Variants in PAK5 observed in about 807,000 individuals in gnomAD.
The protein encoded by PAK5 is p21 (RAC1) activated kinase 5, also known as serine/threonine-protein kinase PAK 5.
In PAK5, 16 loss-of-function variants were observed where a neutral mutation model predicts 65.9. That is an observed-to-expected ratio of 0.24 (90% CI 0.16 to 0.37). The LOEUF (loss-of-function observed/expected upper bound fraction) is 0.37, where lower values mean the gene tolerates loss of function less well. Among genes scored for constraint, PAK5 ranks in the 10% least tolerant of loss-of-function variants. The pLI is 1.00. For missense variants in PAK5, 785 were observed against 903.9 expected (o/e 0.87, Z 1.69); for synonymous variants, 371 against 354.9 (o/e 1.05, Z -0.51).
At chr20:9,587,699 G>A (rs2046094033) in intron 3 of PAK5, among the ~76,000 whole-genome samples, 1 of 152,074 alleles carries the variant, frequency 6.6e-6, no homozygotes, top group Non-Finnish European at 1.5e-5. Context: ...GGATGCTAGA[G>A]TTCCAAAAAG....
intron 1 of PAK5, among the ~76,000 whole-genome samples, chr20:9,774,897 AG>A (rs2048870932): frequency 6.6e-6 from 1 of 152,044 alleles, no homozygotes; most frequent in South Asian, 2.1e-4. Flanking sequence ...CGGAGCTTGC[AG>A]TGAGCCAAGA....
intron 1 of PAK5, among the ~76,000 whole-genome samples, chr20:9,834,994 C>T (rs924383934): frequency 6.6e-6 from 1 of 152,178 alleles, no homozygotes; most frequent in Non-Finnish European, 1.5e-5. Context: ...CAATTCTTAA[C>T]TTCTAGCCTA....
chr20:9,772,737 T>C (rs114078471), intron 1 of PAK5, among the ~76,000 whole-genome samples: 6,645 of 152,288 alleles, frequency 0.044, 481 homozygotes, highest in African/African-American at 0.15. Context: ...ATGTTGTCAG[T>C]GCCATGCATA....
chr20:9,582,934 C>A (rs1283912114), intron 3 of PAK5, among the ~76,000 whole-genome samples: 1 of 152,068 alleles, frequency 6.6e-6, no homozygotes, highest in African/African-American at 2.4e-5. Context: ...CTTTGATGAT[C>A]CCTCTTCCTT....
At chr20:9,562,356 G>A (rs978544103) in intron 6 of PAK5, among the ~76,000 whole-genome samples, 10 of 152,182 alleles carry the variant, frequency 6.6e-5, no homozygotes, top group Admixed American at 5.9e-4. Context: ...GAAATGGCTG[G>A]AACTGGCACA....
chr20:9,558,293 A>G (rs927539572), intron 6 of PAK5, among the ~76,000 whole-genome samples: 3 of 151,668 alleles, frequency 2.0e-5, no homozygotes, highest in Admixed American at 6.6e-5. Flanking sequence ...TGTATTTTTA[A>G]TAGAGATAGG....
intron 1 of PAK5, among the ~76,000 whole-genome samples, chr20:9,811,379 C>T (rs1332749925): frequency 6.6e-6 from 1 of 152,110 alleles, no homozygotes; most frequent in East Asian, 1.9e-4. Flanking sequence ...ATATGTGTTC[C>T]TAGAATTCAG....
chr20:9,679,417 T>C (rs906632641), intron 2 of PAK5, among the ~76,000 whole-genome samples: 2 of 152,202 alleles, frequency 1.3e-5, no homozygotes, highest in African/African-American at 4.8e-5. Flanking sequence ...TTTGTGCTTT[T>C]AAGATTCTTG....
intron 3 of PAK5, among the ~76,000 whole-genome samples, chr20:9,612,278 C>T (rs899405918): frequency 8.5e-5 from 13 of 152,192 alleles, no homozygotes; most frequent in African/African-American, 2.7e-4. Flanking sequence ...CTCTTAATGT[C>T]GTCTCCGTCT....
intron 1 of PAK5, among the ~76,000 whole-genome samples, chr20:9,753,111 G>C (rs4813899): frequency 0.18 from 26,736 of 152,096 alleles, 2,688 homozygotes; most frequent in East Asian, 0.28. Flanking sequence ...CAACCAGCTG[G>C]CAGCAACCTA....
chr20:9,598,181 C>T (rs1469314821), intron 3 of PAK5, among the ~76,000 whole-genome samples: 1 of 152,136 alleles, frequency 6.6e-6, no homozygotes, highest in Non-Finnish European at 1.5e-5. Flanking sequence ...CATTGTTCAG[C>T]TCCCACTTAT....
chr20:9,789,921 C>T (rs1312421308), intron 1 of PAK5, among the ~76,000 whole-genome samples: 4 of 152,068 alleles, frequency 2.6e-5, no homozygotes, highest in Non-Finnish European at 5.9e-5. Flanking sequence ...CAGGGGATTG[C>T]AAAAAGATGC....
intron 7 of PAK5, among the ~76,000 whole-genome samples, chr20:9,553,693 T>C (rs532045549): frequency 2.6e-5 from 4 of 152,344 alleles, no homozygotes; most frequent in East Asian, 1.9e-4. Context: ...TTTGTTTTTA[T>C]TGTTAAGTGG....
At chr20:9,714,388 G>C (rs554192802) in intron 1 of PAK5, among the ~76,000 whole-genome samples, 1 of 152,092 alleles carries the variant, frequency 6.6e-6, no homozygotes, top group East Asian at 1.9e-4. Context: ...AGGTACAAAA[G>C]GTCCATACTT....
intron 1 of PAK5, among the ~76,000 whole-genome samples, chr20:9,733,878 C>A (rs1170126257): frequency 1.3e-5 from 2 of 152,174 alleles, no homozygotes; most frequent in Non-Finnish European, 2.9e-5. Context: ...CAGAAGCATA[C>A]CACTACGGTA....
intron 2 of PAK5, among the ~76,000 whole-genome samples, chr20:9,674,044 T>G (rs1448266405): frequency 6.6e-6 from 1 of 152,182 alleles, no homozygotes; most frequent in Non-Finnish European, 1.5e-5. Flanking sequence ...TTTTGATATG[T>G]TGTGCTACAG....
chr20:9,789,167 A>C (rs1868375636), intron 1 of PAK5, among the ~76,000 whole-genome samples: 1 of 152,210 alleles, frequency 6.6e-6, no homozygotes, highest in Non-Finnish European at 1.5e-5. Flanking sequence ...ACTCAAGTAC[A>C]TCTGAACATT....
chr20:9,806,213 T>C (rs931339942), intron 1 of PAK5, among the ~76,000 whole-genome samples: 23 of 152,154 alleles, frequency 1.5e-4, no homozygotes, highest in Non-Finnish European at 3.1e-4. Flanking sequence ...GGTCTCGAAC[T>C]CCTGGCCTCA....
At chr20:9,570,719 G>A (rs2045766275) in intron 4 of PAK5, among the ~76,000 whole-genome samples, 7 of 152,184 alleles carry the variant, frequency 4.6e-5, no homozygotes, top group Admixed American at 4.6e-4. Flanking sequence ...TTCCTTGGAG[G>A]ACTGGCTCCT....
Sources: gnomAD v4.1 joint callset for allele counts (sites outside exome capture counted in the v4.1 genomes callset) on GRCh38, gnomAD v4.1.1 for gene constraint, MANE v1.5 for transcripts, NCBI Gene and HGNC (gene_info 2026-07-23, HGNC 2026-07-21) for gene names.